Variants in KLHL6 observed in about 807,000 individuals in gnomAD.
The protein encoded by KLHL6 is kelch-like protein 6.
Under a neutral mutation model 58.6 loss-of-function variants are expected in KLHL6, and 41 were observed. The observed-to-expected ratio is 0.70, with a 90% CI of 0.55 to 0.91. The LOEUF is 0.91. KLHL6 is among the 40% of genes least tolerant of loss of function. KLHL6 has a pLI of 0.00. For missense variants in KLHL6, 714 were observed against 805.6 expected (o/e 0.89, Z 1.38); for synonymous variants, 338 against 322.7 (o/e 1.05, Z -0.51).
Position 183,508,208 on chromosome 3 carries a change from G to A in KLHL6, c.760C>T (p.Leu254Phe). The A allele has an allele frequency of 1.9e-6, 3 of 1,614,208 alleles. No homozygotes were observed. The highest frequency in any genetic ancestry group is 1.6e-4 in the Middle Eastern group (1 of 6,062). ...RHKPSERLCL[L>F]PYVLENVRLP... Reference sequence around the variant, plus strand: ...CGCACGTTCTCGAGGACATAGGGGAGTAAGCAGAGTCGTTCTGATGGCTTG... The same window carrying A: ...CGCACGTTCTCGAGGACATAGGGGAATAAGCAGAGTCGTTCTGATGGCTTG... Residue 254 changes from leucine (L) to phenylalanine (F), a missense_variant, in exon 3 of 7, where the codon CTC becomes TTC. Leu to Phe is a conservative substitution (Grantham distance 22). Transcript: ENST00000341319.
intron 3 of KLHL6, among the ~76,000 whole-genome samples, chr3:183,501,355 G>A (rs1340093356): frequency 6.6e-6 from 1 of 152,184 alleles, no homozygotes; most frequent in East Asian, 1.9e-4. Context: ...CCACAGCTGA[G>A]GCACAGCCAC....
At chr3:183,506,905 TG>T (rs1265940847) in intron 3 of KLHL6, among the ~76,000 whole-genome samples, 2 of 151,860 alleles carry the variant, frequency 1.3e-5, no homozygotes, top group African/African-American at 4.8e-5. Context: ...AAGTGATGCT[TG>T]GACTGAGTTT....
chr3:183,530,188 C>T (rs1206612132), intron 1 of KLHL6, among the ~76,000 whole-genome samples: 1 of 152,096 alleles, frequency 6.6e-6, no homozygotes, highest in Non-Finnish European at 1.5e-5. Context: ...GTCACAAATA[C>T]TGAAAAAATG....
chr3:183,554,135 T>A lies in KLHL6; in HGVS notation c.293+1226A>T, dbSNP rs556459600. 4.5e-4 allele frequency among the ~76,000 whole-genome samples: 69 copies of A among 152,340 alleles called. 1 individual carries two copies. The South Asian group carries it at 8.9e-3, about 20-fold the overall frequency. ...AAGTTCCCAAATACTTTCTTCATTA[T>A]CCACATTGCCCTTGCAGGCTGGTTC... On this transcript the variant is annotated intron_variant, in intron 1 of 6. Transcript: ENST00000341319.
chr3:183,541,496 C>A (rs929687998), intron 1 of KLHL6, among the ~76,000 whole-genome samples: 1 of 152,180 alleles, frequency 6.6e-6, no homozygotes, highest in Non-Finnish European at 1.5e-5. Context: ...TTGCAACCCC[C>A]AGAAAGGGGC....
chr3:183,550,846 C>T (rs1290863185), intron 1 of KLHL6, among the ~76,000 whole-genome samples: 1 of 149,100 alleles, frequency 6.7e-6, no homozygotes, highest in Non-Finnish European at 1.5e-5. Flanking sequence ...ATGGGCTGGG[C>T]GCAGTGGCTC....
chr3:183,508,495 A>ACCAT lies in KLHL6; in HGVS notation c.469_472dup (p.Val158AspfsTer11). The ACCAT allele has an allele frequency of 2.5e-6, 4 of 1,613,542 alleles. No individual in the cohort carries two copies. Among genetic ancestry groups the ACCAT allele is most frequent in the Non-Finnish European group, 3.4e-6 (4 of 1,179,668 alleles). ...AGTGAGGAAGCTGGCACAGGCATCCACCATCCGCAGGAACTGATGAAATAG... is the reference window on the plus strand; with the variant it reads ...AGTGAGGAAGCTGGCACAGGCATCCACCATCCATCCGCAGGAACTGATGAAATAG... On this transcript the variant is annotated frameshift_variant, in exon 3 of 7. Coordinates refer to ENST00000341319, the MANE Select transcript of KLHL6 (RefSeq NM_130446.4). LOFTEE classifies it high-confidence loss of function.
intron 2 of KLHL6, among the ~76,000 whole-genome samples, chr3:183,514,649 C>T (rs992238083): frequency 6.6e-6 from 1 of 151,740 alleles, no homozygotes; most frequent in Non-Finnish European, 1.5e-5. Flanking sequence ...GGGCTGTTTT[C>T]TTTCTTTTTT....
chr3:183,517,674 T>C (rs1436137066), intron 2 of KLHL6, among the ~76,000 whole-genome samples: 1 of 152,142 alleles, frequency 6.6e-6, no homozygotes, highest in Non-Finnish European at 1.5e-5. Flanking sequence ...AAACAGCCCC[T>C]GAGTTTCCAG....
rs1717556481 is a variant in KLHL6 at position 183,491,645 on chromosome 3, G to A, written c.*282C>T. On this transcript the variant is annotated 3_prime_UTR_variant, in exon 7 of 7. Coordinates refer to ENST00000341319, the MANE Select transcript of KLHL6 (RefSeq NM_130446.4). ...CACCAGGTTAAATGAACCGATAAAAGGAAGTGCCTGGCACAGAAGCCGGCA... is the reference window on the plus strand; with the variant it reads ...CACCAGGTTAAATGAACCGATAAAAAGAAGTGCCTGGCACAGAAGCCGGCA... 3.0e-6 allele frequency: 1 copy of A among 333,938 alleles called. No individual in the cohort carries two copies. Among genetic ancestry groups the A allele is most frequent in the Non-Finnish European group, 5.4e-6 (1 of 184,662 alleles). 20.7% of individuals were successfully genotyped at this position (333,938 alleles called of 1,614,324 possible). A position where few individuals can be genotyped will look rare whatever the true frequency, so the allele number is the denominator to read the frequency against.
In KLHL6 at chr3:183,492,928, T is replaced by C; in HGVS notation, c.1351-221A>G. On this transcript the variant is annotated intron_variant, in intron 5 of 6. Coordinates refer to ENST00000341319, the MANE Select transcript of KLHL6 (RefSeq NM_130446.4). This position sits in a 1 kb window ranked among gnomAD's most constrained non-coding sequence, Gnocchi z 5.9. ...TCCACGCAAGCTAGAGCAAGCTGTG[T>C]GTTGGGATGTGCCAGCCTCTCCCGG... The C allele has an allele frequency of 1.9e-6, 1 of 538,322 alleles. No homozygotes were observed. The highest frequency in any genetic ancestry group is 2.1e-5 in the South Asian group (1 of 47,292). 33.3% of individuals were successfully genotyped at this position (538,322 alleles called of 1,614,324 possible).
At chr3:183,506,859 A>T (rs887293090) in intron 3 of KLHL6, among the ~76,000 whole-genome samples, 15 of 151,394 alleles carry the variant, frequency 9.9e-5, no homozygotes, top group African/African-American at 3.4e-4. Context: ...TAAATAAATA[A>T]ATAAATAAAT....
intron 2 of KLHL6, among the ~76,000 whole-genome samples, chr3:183,516,250 A>G (rs1334359001): frequency 1.3e-5 from 2 of 152,190 alleles, no homozygotes; most frequent in Non-Finnish European, 2.9e-5. Context: ...ATCCCAACCA[A>G]TGGCTGGGAA....
At chr3:183,539,134 C>T (rs936391437) in intron 1 of KLHL6, among the ~76,000 whole-genome samples, 1 of 152,178 alleles carries the variant, frequency 6.6e-6, no homozygotes, top group African/African-American at 2.4e-5. Flanking sequence ...AAGAGGTCAC[C>T]CCTACTTCCT....
chr3:183,555,690 C>A lies in KLHL6; in HGVS notation c.-37G>T. On this transcript the variant is annotated 5_prime_UTR_variant, in exon 1 of 7. It removes an upstream start codon present in the reference 5' UTR. Transcript: ENST00000341319. ...GAGCGCCCAAGTGTCAGGCAGGCCC[C>A]ATTGCAGGAGCTGAGCGGATTTCCT... The A allele has an allele frequency of 4.6e-6, 7 of 1,537,764 alleles. No homozygotes were observed. The highest frequency in any genetic ancestry group is 6.1e-6 in the Non-Finnish European group (7 of 1,147,072).
intron 4 of KLHL6, among the ~76,000 whole-genome samples, chr3:183,498,716 C>T (rs563079159): frequency 6.6e-6 from 1 of 152,340 alleles, no homozygotes; most frequent in South Asian, 2.1e-4. Context: ...AACATTTACC[C>T]CGAGGTCAGG....
intron 1 of KLHL6, 100 bp from the exon 2 acceptor site, chr3:183,528,110 G>A (rs1212020967): frequency 7.5e-7 from 1 of 1,338,590 alleles, no homozygotes; most frequent in Admixed American, 1.8e-5. Context: ...AGAACAGGGG[G>A]TTTCCCAAGG....
At chr3:183,540,095 A>G (rs886338908) in intron 1 of KLHL6, among the ~76,000 whole-genome samples, 1 of 152,198 alleles carries the variant, frequency 6.6e-6, no homozygotes, top group Non-Finnish European at 1.5e-5. Flanking sequence ...GAAACACCCC[A>G]CCGTCCAAGC....
intron 2 of KLHL6, among the ~76,000 whole-genome samples, chr3:183,513,589 A>G (rs7614051): frequency 0.19 from 28,510 of 152,202 alleles, 3,590 homozygotes; most frequent in East Asian, 0.63. Flanking sequence ...ACCACAGAGG[A>G]GAATCAAATC....
Sources: allele counts gnomAD v4.1 joint callset (sites outside exome capture counted in the v4.1 genomes callset), GRCh38; gene constraint gnomAD v4.1.1; non-coding constraint Gnocchi (gnomAD v3.1); transcripts MANE v1.5; gene names NCBI Gene and HGNC (gene_info 2026-07-23, HGNC 2026-07-21).